SLC43A2: variants seen among roughly 807,000 people sequenced by gnomAD.
SLC43A2 encodes the protein solute carrier family 43 member 2.
A neutral mutation model predicts 63.2 loss-of-function variants in SLC43A2; 38 were observed. The ratio of observed to expected loss-of-function variants is 0.60; its 90% CI spans 0.46 to 0.79. SLC43A2 has a LOEUF of 0.79. Among genes scored for constraint, SLC43A2 ranks in the 30% least tolerant of loss-of-function variants. SLC43A2 has a pLI of 0.00. For synonymous variants in SLC43A2, 322 were observed against 331.0 expected, an observed-to-expected ratio of 0.97 and a Z score of 0.30; for missense variants, 644 against 756.2, an observed-to-expected ratio of 0.85 and a Z score of 1.74.
At chr17:1,621,778 G>A (rs1039851939) in intron 2 of SLC43A2, among the ~76,000 whole-genome samples, 19 of 152,170 alleles carry the variant, frequency 1.2e-4, no homozygotes, top group Non-Finnish European at 2.8e-4. Flanking sequence ...GGGGAAGCTG[G>A]GCTTGACTCC....
chr17:1,586,929 C>CCCCCCCCCCCCCCCG, intron 9 of SLC43A2: 1 of 657,348 alleles, frequency 1.5e-6, no homozygotes, highest in Non-Finnish European at 2.5e-6. Context: ...CCCTGACAAT[C>CCCCCCCCCCCCCCCG]CCCCCCACCC....
intron 3 of SLC43A2, chr17:1,616,304 CAT>C (rs1907656588): frequency 3.8e-6 from 2 of 526,170 alleles, no homozygotes; most frequent in Non-Finnish European, 3.4e-6. Flanking sequence ...ATGGGAAACA[CAT>C]GTTCTTAGTG....
intron 5 of SLC43A2, among the ~76,000 whole-genome samples, chr17:1,604,075 C>G (rs1043123735): frequency 7.2e-5 from 11 of 152,228 alleles, no homozygotes; most frequent in Admixed American, 6.5e-4. Context: ...GAGCCTCACT[C>G]TGTCGCCAAG....
chr17:1,609,365 C>A (rs959086812), intron 5 of SLC43A2, among the ~76,000 whole-genome samples: 4 of 152,100 alleles, frequency 2.6e-5, no homozygotes, highest in African/African-American at 9.7e-5. Flanking sequence ...CCAAGCCCAG[C>A]TAATTTTTGT....
rs1904832212 is a variant in SLC43A2, at chr17:1,591,765, C to G, written c.595-66G>C. 4.0e-5 allele frequency: 51 copies of G among 1,277,662 alleles called. 1 individual carries two copies. In the South Asian group the frequency reaches 6.8e-4, roughly 17 times the overall value. 79.1% of individuals were successfully genotyped at this position (1,277,662 alleles called of 1,614,324 possible). A position where few individuals can be genotyped will look rare whatever the true frequency, so the allele number is the denominator to read the frequency against. ...CAGAGTTAGCCCGGGGAGGCCAGAG[C>G]CGCAGCAGGCAGGGGCGTCTGGCCA... On this transcript the variant is annotated intron_variant, in intron 6 of 13. Coordinates refer to ENST00000301335, the MANE Select transcript of SLC43A2 (RefSeq NM_152346.3).
chr17:1,616,414 G>A (rs767948523), intron 3 of SLC43A2, 148 bp downstream of exon 3: 14 of 737,930 alleles, frequency 1.9e-5, no homozygotes, highest in East Asian at 2.7e-5. Context: ...ATTCGGTGGC[G>A]GACGGGGTAG....
chr17:1,623,562 T>G (rs1302947056), intron 2 of SLC43A2, among the ~76,000 whole-genome samples: 3 of 152,076 alleles, frequency 2.0e-5, no homozygotes, highest in Non-Finnish European at 4.4e-5. Context: ...TTTCCCCGAA[T>G]GGCCTCCCAG....
intron 1 of SLC43A2, 130 bp from the exon 2 acceptor site, chr17:1,628,050 C>G (rs1349846089): frequency 2.5e-5 from 24 of 968,006 alleles, no homozygotes; most frequent in Non-Finnish European, 3.2e-5. Context: ...GTGCGCGCAG[C>G]AGAGGAAGCG....
At chr17:1,615,630 T>G (rs1009993674) in intron 3 of SLC43A2, among the ~76,000 whole-genome samples, 8 of 148,110 alleles carry the variant, frequency 5.4e-5, no homozygotes, top group Non-Finnish European at 1.0e-4. Flanking sequence ...GATCACAAGG[T>G]CAGGAGATCG....
intron 11 of SLC43A2, among the ~76,000 whole-genome samples, chr17:1,582,000 T>C (rs1194470741): frequency 6.6e-6 from 1 of 151,262 alleles, no homozygotes; most frequent in Non-Finnish European, 1.5e-5. Context: ...AGAGACGGGG[T>C]TTCACCATTT....
At chr17:1,620,000 T>C (rs1178156401) in intron 2 of SLC43A2, among the ~76,000 whole-genome samples, 1 of 152,148 alleles carries the variant, frequency 6.6e-6, no homozygotes, top group African/African-American at 2.4e-5. Flanking sequence ...GGACCTCCAG[T>C]TACCCCAGGG....
At position 1,585,295 on chromosome 17, in the gene SLC43A2, G is replaced by T. The variant is rs557623574; in HGVS notation, c.1217+618C>A. 3.1e-6 allele frequency: 3 copies of T among 965,826 alleles called. No homozygotes were observed. The African/African-American group carries it at 5.2e-5, about 17-fold the overall frequency. The allele number at this position is 965,826 out of a possible 1,614,324, so 59.8% of individuals were successfully genotyped here. ...TTGCTCTGTTGCCCAGGCTGGAAGTGCAATGGCGTGATCTCGGCTCACTGC... is the reference window on the plus strand; with the variant it reads ...TTGCTCTGTTGCCCAGGCTGGAAGTTCAATGGCGTGATCTCGGCTCACTGC... On this transcript the variant is annotated intron_variant, in intron 10 of 13. Coordinates refer to ENST00000301335, the MANE Select transcript of SLC43A2 (RefSeq NM_152346.3).
Position 1,575,779 on chromosome 17 carries a change from G to A in SLC43A2, c.1549-14C>T. The A allele has an allele frequency of 6.2e-7, 1 of 1,602,516 alleles. No homozygotes were observed. Among genetic ancestry groups the A allele is most frequent in the Non-Finnish European group, 8.5e-7 (1 of 1,174,620 alleles). ...CCCCACGTTCACCTGGGGAGGCAGGGAGGCCGCGCATCACAGGGCGTGGTG... is the reference window on the plus strand; with the variant it reads ...CCCCACGTTCACCTGGGGAGGCAGGAAGGCCGCGCATCACAGGGCGTGGTG... On this transcript the variant is annotated splice_polypyrimidine_tract_variant and intron_variant, in intron 13 of 13. Coordinates refer to ENST00000301335, the MANE Select transcript of SLC43A2 (RefSeq NM_152346.3).
At chr17:1,586,523 C>T (rs538958161) in intron 9 of SLC43A2, among the ~76,000 whole-genome samples, 12 of 152,068 alleles carry the variant, frequency 7.9e-5, no homozygotes, top group Middle Eastern at 3.4e-3. Flanking sequence ...AGTGAAACCC[C>T]GTCTCTACTA....
chr17:1,594,645 T>G lies in SLC43A2; in HGVS notation c.502-1366A>C, dbSNP rs1197053568. ...CTCTTTCGCCCAGGCTGTACTGCAG[T>G]GGCTCTATCTCGGCTCACTGCAAGC... On this transcript the variant is annotated intron_variant, in intron 5 of 13. Coordinates refer to ENST00000301335, the MANE Select transcript of SLC43A2 (RefSeq NM_152346.3). 1.9e-4 allele frequency among the ~76,000 whole-genome samples: 26 copies of G among 138,334 alleles called. 2 individuals carry two copies. In the South Asian group the frequency reaches 5.0e-3, roughly 26 times the overall value. 90.8% of individuals were successfully genotyped at this position (138,334 alleles called of 152,430 possible).
chr17:1,575,827 C>T, intron 13 of SLC43A2, 62 bp from the exon 14 acceptor site: 1 of 1,522,164 alleles, frequency 6.6e-7, no homozygotes, highest in East Asian at 2.4e-5. Context: ...TGCAGACCCG[C>T]CCTCCACTCG....
In SLC43A2 at chr17:1,621,898, C is replaced by T. The variant is rs558462717; in HGVS notation, c.161-5129G>A. Among the ~76,000 whole-genome samples the T allele has an allele frequency of 5.9e-5, 9 of 152,294 alleles. No individual in the cohort carries two copies. The South Asian group carries it at 8.3e-4, about 14-fold the overall frequency. ...AGAGAAAATGCTGAGAGAACAGAGC[C>T]GGGAAAAGGCTGCCCATGTGCCGGC... is the stretch of plus-strand genomic sequence containing the variant. On this transcript the variant is annotated intron_variant, in intron 2 of 13. Coordinates refer to ENST00000301335, the MANE Select transcript of SLC43A2 (RefSeq NM_152346.3).
intron 2 of SLC43A2, among the ~76,000 whole-genome samples, chr17:1,623,158 C>G (rs982827794): frequency 6.6e-6 from 1 of 152,220 alleles, no homozygotes; most frequent in African/African-American, 2.4e-5. Context: ...GAGAAATCTC[C>G]TGTCCACATC....
At position 1,583,998 on chromosome 17, in the gene SLC43A2, C is replaced by T. The variant is rs1440608540; in HGVS notation, c.1218-662G>A. ...GCCACCTCTGCCTCCTGGGTTCAAG[C>T]GATTCTCCTGCCTCAGCCTCCCGAG... On this transcript the variant is annotated intron_variant, in intron 10 of 13. Transcript: ENST00000301335. This position sits in a 1 kb window ranked among gnomAD's most constrained non-coding sequence, Gnocchi z 5.5. Among the ~76,000 whole-genome samples, 5 of 152,000 alleles carry T rather than the reference C, an allele frequency of 3.3e-5. No individual in the cohort carries two copies. The South Asian group carries it at 8.3e-4, about 25-fold the overall frequency.
Sources: allele counts gnomAD v4.1 joint callset (sites outside exome capture counted in the v4.1 genomes callset), GRCh38; gene constraint gnomAD v4.1.1; non-coding constraint Gnocchi (gnomAD v3.1); transcripts MANE v1.5; gene names NCBI Gene and HGNC (gene_info 2026-07-23, HGNC 2026-07-21).